PPM1H: variants seen among roughly 807,000 people sequenced by gnomAD.
PPM1H encodes protein phosphatase 1H.
PPM1H carries 27 observed loss-of-function variants against 54.9 expected under a neutral mutation model. That is an observed-to-expected ratio of 0.49 (90% CI 0.36 to 0.68). PPM1H has a LOEUF of 0.68. Among genes scored for constraint, PPM1H ranks in the 30% least tolerant of loss-of-function variants. The probability of loss-of-function intolerance (pLI) is 0.00; values close to 1 mark genes in which losing one functional copy is unlikely to be tolerated. For missense variants in PPM1H, 596 were observed against 667.8 expected, an observed-to-expected ratio of 0.89 and a Z score of 1.19; for synonymous variants, 305 against 270.8, an observed-to-expected ratio of 1.13 and a Z score of -1.24.
intron 1 of PPM1H, among the ~76,000 whole-genome samples, chr12:62,893,409 G>C (rs1004962244): frequency 3.3e-5 from 5 of 151,342 alleles, no homozygotes; most frequent in Admixed American, 3.3e-4. Context: ...TTCTTATAAG[G>C]ATATCAGTCA....
chr12:62,843,906 C>T (rs907721639), intron 1 of PPM1H, among the ~76,000 whole-genome samples: 1 of 152,070 alleles, frequency 6.6e-6, no homozygotes, highest in African/African-American at 2.4e-5. Context: ...ACCTTTGTCC[C>T]CAGACCCAGG....
chr12:62,679,687 A>G (rs1020656511), intron 8 of PPM1H, among the ~76,000 whole-genome samples: 4 of 152,214 alleles, frequency 2.6e-5, no homozygotes, highest in African/African-American at 9.6e-5. Flanking sequence ...AAATGTTTAC[A>G]TAAATGTTTC....
At chr12:62,755,697 G>T in intron 4 of PPM1H, 1 of 679,554 alleles carries the variant, frequency 1.5e-6, no homozygotes, top group Non-Finnish European at 2.7e-6. Context: ...ACTGCTTAGT[G>T]CCTCTGGCCA....
At chr12:62,774,905 C>A (rs952526067) in intron 4 of PPM1H, among the ~76,000 whole-genome samples, 11 of 152,222 alleles carry the variant, frequency 7.2e-5, no homozygotes, top group African/African-American at 2.4e-4. Flanking sequence ...CGAGTTCTGC[C>A]GCCGGCTATC....
At chr12:62,883,591 C>T (rs988987115) in intron 1 of PPM1H, among the ~76,000 whole-genome samples, 8 of 152,120 alleles carry the variant, frequency 5.3e-5, no homozygotes, top group African/African-American at 1.2e-4. Context: ...ATGAGCAATA[C>T]GGCAAACCAT....
intron 6 of PPM1H, among the ~76,000 whole-genome samples, chr12:62,711,765 G>A (rs572996153): frequency 3.3e-5 from 5 of 152,344 alleles, no homozygotes; most frequent in Non-Finnish European, 7.3e-5. Context: ...AGAGAGACGT[G>A]TGTGAGTGCA....
At chr12:62,813,453 G>A (rs2076847601) in intron 2 of PPM1H, among the ~76,000 whole-genome samples, 1 of 152,184 alleles carries the variant, frequency 6.6e-6, no homozygotes, top group African/African-American at 2.4e-5. Flanking sequence ...CGCGTGCATG[G>A]GATGCTGGTG....
intron 2 of PPM1H, among the ~76,000 whole-genome samples, chr12:62,809,249 C>T (rs76119663): frequency 2.0e-5 from 3 of 152,260 alleles, no homozygotes; most frequent in South Asian, 2.1e-4. Context: ...CAGGGTTTCA[C>T]CATGTTGGCC....
At chr12:62,734,509 C>T (rs1160693193) in intron 5 of PPM1H, among the ~76,000 whole-genome samples, 6 of 151,922 alleles carry the variant, frequency 3.9e-5, no homozygotes, top group African/African-American at 1.2e-4. Context: ...CATACACTTA[C>T]GTGAGATCTG....
chr12:62,823,732 A>G (rs946743035), intron 2 of PPM1H, among the ~76,000 whole-genome samples: 9 of 152,248 alleles, frequency 5.9e-5, no homozygotes, highest in African/African-American at 9.6e-5. Context: ...TAAACCAGGT[A>G]TCGATGTAAC....
At position 62,838,339 on chromosome 12, in the gene PPM1H, G is replaced by GTGT. The variant is rs1491147079; in HGVS notation, c.246-6061_246-6060insACA. On this transcript the variant is annotated intron_variant, in intron 1 of 9. Coordinates refer to ENST00000228705, the MANE Select transcript of PPM1H (RefSeq NM_020700.2). Reference sequence around the variant, plus strand: ...AGTAAAATACAGTGTGTGTGTGTGTGGGGGGGGGGAGATGAATAACTTATG... The same window carrying GTGT: ...AGTAAAATACAGTGTGTGTGTGTGTGTGTGGGGGGGGGAGATGAATAACTTATG... Among the ~76,000 whole-genome samples the GTGT allele has an allele frequency of 1.7e-3, 133 of 80,126 alleles. 2 individuals are homozygous for GTGT. The highest frequency in any genetic ancestry group is 7.1e-3 in the African/African-American group (60 of 8,490). The allele number at this position is 80,126 out of a possible 152,430, so 52.6% of individuals were successfully genotyped here. A position where few individuals can be genotyped will look rare whatever the true frequency, so the allele number is the denominator to read the frequency against.
chr12:62,893,402 T>C (rs1037951160), intron 1 of PPM1H, among the ~76,000 whole-genome samples: 10 of 152,176 alleles, frequency 6.6e-5, no homozygotes, highest in Non-Finnish European at 1.3e-4. Context: ...TCTCCTTTTC[T>C]TATAAGGATA....
At chr12:62,902,602 C>T (rs1006851188) in intron 1 of PPM1H, among the ~76,000 whole-genome samples, 1 of 152,196 alleles carries the variant, frequency 6.6e-6, no homozygotes, top group Non-Finnish European at 1.5e-5. Context: ...AAAATCCTGA[C>T]TCTTCCCCTT....
chr12:62,862,094 C>G (rs1169498670), intron 1 of PPM1H, among the ~76,000 whole-genome samples: 1 of 152,220 alleles, frequency 6.6e-6, no homozygotes, highest in Non-Finnish European at 1.5e-5. Context: ...CAGAGAAACT[C>G]TGCCCTAGAG....
chr12:62,693,704 T>C (rs573572619), intron 7 of PPM1H, among the ~76,000 whole-genome samples: 3 of 152,310 alleles, frequency 2.0e-5, no homozygotes, highest in South Asian at 4.1e-4. Context: ...GGACTTTATT[T>C]TCACAAAATT....
intron 1 of PPM1H, among the ~76,000 whole-genome samples, chr12:62,876,987 G>A (rs978669696): frequency 2.0e-5 from 3 of 152,068 alleles, no homozygotes; most frequent in African/African-American, 7.2e-5. Context: ...CCCATCTTAC[G>A]TACAAGTTTC....
chr12:62,832,412 T>A, intron 1 of PPM1H, 133 bp from the exon 2 acceptor site: 1 of 807,080 alleles, frequency 1.2e-6, no homozygotes. Flanking sequence ...AAGAACATTA[T>A]GGTCTTGGTA....
chr12:62,787,090 GA>G (rs1463152767), intron 4 of PPM1H, among the ~76,000 whole-genome samples: 1 of 152,168 alleles, frequency 6.6e-6, no homozygotes, highest in East Asian at 1.9e-4. Context: ...TAGGAGGAAC[GA>G]AGGCTGCCTC....
At position 62,801,876 on chromosome 12, in the gene PPM1H, C is replaced by G. The variant is rs377044320; in HGVS notation, c.696G>C (p.Glu232Asp). 1 of 1,613,936 alleles carries G rather than the reference C, an allele frequency of 6.2e-7. No individual in the cohort carries two copies. Among genetic ancestry groups the G allele is most frequent in the East Asian group, 2.2e-5 (1 of 44,870 alleles). The change falls in exon 3 of 10, where the codon GAG becomes GAC. Residue 232 changes from glutamate (E) to aspartate (D), a missense_variant. By Grantham distance (45) the Glu-to-Asp change is conservative (BLOSUM62 2). Around this residue, in one of 3 missense-constraint regions of PPM1H, gnomAD observed 382 missense variants for 387.1 expected, o/e 0.99. Transcript: ENST00000228705. The stretch of plus-strand genomic sequence containing the variant: ...CCAGGCACTCATGGGGAATCTTCTT[C>G]TCGGTAAAGAAGCGTGTGGGGGGCG... ...PSTPPTRFFTEKKIPHECLVI... is the reference protein window; with the variant it reads ...PSTPPTRFFTDKKIPHECLVI...
Sources: gnomAD v4.1 joint callset for allele counts (sites outside exome capture counted in the v4.1 genomes callset) on GRCh38, gnomAD v4.1.1 for gene constraint, gnomAD v4.1.1 regional missense constraint, MANE v1.5 for transcripts, NCBI Gene and HGNC (gene_info 2026-07-23, HGNC 2026-07-21) for gene names.